The following GNG7 variants were observed in gnomAD, a reference collection of about 807,000 sequenced individuals.
The protein encoded by GNG7 is guanine nucleotide-binding protein G(I)/G(S)/G(O) subunit gamma-7.
A neutral mutation model predicts 4.0 loss-of-function variants in GNG7; 1 was observed. The observed-to-expected ratio is 0.25, with a 90% CI of 0.09 to 1.18. The LOEUF is 1.18. Among genes scored for constraint, GNG7 ranks in the 50% most tolerant of loss-of-function variants. The probability of loss-of-function intolerance (pLI) is 0.50; values close to 1 mark genes in which losing one functional copy is unlikely to be tolerated. For synonymous variants in GNG7, 34 were observed against 36.9 expected, an observed-to-expected ratio of 0.92 and a Z score of 0.29; for missense variants, 86 against 91.9, an observed-to-expected ratio of 0.94 and a Z score of 0.26.
chr19:2,698,834 G>A (rs376196929), intron 1 of GNG7, among the ~76,000 whole-genome samples: 1 of 152,126 alleles, frequency 6.6e-6, no homozygotes, highest in Non-Finnish European at 1.5e-5. Context: ...TTGTCTACAC[G>A]TGAGGGTAAT....
At chr19:2,696,779 G>C (rs1699631450) in intron 1 of GNG7, among the ~76,000 whole-genome samples, 2 of 152,378 alleles carry the variant, frequency 1.3e-5, no homozygotes, top group South Asian at 2.1e-4. Flanking sequence ...AGACAGGAGG[G>C]AGAGGCGTGG....
intron 1 of GNG7, among the ~76,000 whole-genome samples, chr19:2,654,132 T>C (rs1285142678): frequency 6.6e-6 from 1 of 151,962 alleles, no homozygotes; most frequent in African/African-American, 2.4e-5. Flanking sequence ...AGGAAGGTCT[T>C]TATTTAGGAA....
intron 2 of GNG7, chr19:2,643,316 C>T (rs577656985): frequency 1.5e-4 from 64 of 424,080 alleles, no homozygotes; most frequent in African/African-American, 1.0e-3. Flanking sequence ...GAGACCTCCC[C>T]GGACTCTGCA....
intron 1 of GNG7, among the ~76,000 whole-genome samples, chr19:2,679,226 A>C (rs2144897054): frequency 6.6e-6 from 1 of 151,944 alleles, no homozygotes; most frequent in Admixed American, 6.6e-5. Flanking sequence ...ATTTTTAATA[A>C]ATTTTGTAGA....
In GNG7 at chr19:2,512,359, A is replaced by G. The variant is rs1972668370; in HGVS notation, c.*2663T>C. 1.0e-6 allele frequency: 1 copy of G among 985,580 alleles called. No homozygotes were observed. The highest frequency in any genetic ancestry group is 1.2e-6 in the Non-Finnish European group (1 of 829,898). 61.1% of individuals were successfully genotyped at this position (985,580 alleles called of 1,614,324 possible). ...GTCACTGAAGTCTACTCAAGAAAAA[A>G]AAAAGTGGAGAATTTTTTTTTTAAT... On this transcript the variant is annotated 3_prime_UTR_variant, in exon 5 of 5. Transcript: ENST00000382159. The surrounding 1 kb of genome is among the most constrained non-coding windows in gnomAD (Gnocchi z 4.7).
At chr19:2,671,075 T>C (rs1983440167) in intron 1 of GNG7, among the ~76,000 whole-genome samples, 1 of 151,274 alleles carries the variant, frequency 6.6e-6, no homozygotes, top group African/African-American at 2.4e-5. Context: ...AAGCAGGGTC[T>C]CTCCCCCTTG....
intron 1 of GNG7, among the ~76,000 whole-genome samples, chr19:2,650,108 C>T (rs1402727359): frequency 6.6e-6 from 1 of 151,158 alleles, no homozygotes; most frequent in African/African-American, 2.4e-5. Flanking sequence ...CATTCACCGG[C>T]GGATGGACAA....
Position 2,626,858 on chromosome 19 carries a change from C to G in GNG7, c.-78+19366G>C, listed in dbSNP as rs1982034490. ...GAGGCCAGGGATGCTGCTCAGCACCCTGCAGTGCCCAGGACGGCCTCACCC... is the reference window on the plus strand; with the variant it reads ...GAGGCCAGGGATGCTGCTCAGCACCGTGCAGTGCCCAGGACGGCCTCACCC... On this transcript the variant is annotated intron_variant, in intron 2 of 4. Coordinates refer to ENST00000382159, the MANE Select transcript of GNG7 (RefSeq NM_052847.3). The surrounding 1 kb of genome is among the most constrained non-coding windows in gnomAD (Gnocchi z 5.0). Among the ~76,000 whole-genome samples, 1 of 151,988 alleles carries G rather than the reference C, an allele frequency of 6.6e-6. No individual in the cohort carries two copies.
rs575951057 is a variant in GNG7 at position 2,685,769 on chromosome 19, G to T, written c.-135+16877C>A. Among the ~76,000 whole-genome samples, 6 of 152,172 alleles carry T rather than the reference G, an allele frequency of 3.9e-5. No individual in the cohort carries two copies. In the East Asian group the frequency reaches 1.2e-3, roughly 29 times the overall value. Reference sequence around the variant, plus strand: ...TGCCCAGTAACGTCCGTGACCGCCCGGTGTCCTCCTCCCGAGACGAGGGCC... The same window carrying T: ...TGCCCAGTAACGTCCGTGACCGCCCTGTGTCCTCCTCCCGAGACGAGGGCC... On this transcript the variant is annotated intron_variant, in intron 1 of 4. Transcript: ENST00000382159.
At chr19:2,528,783 G>A (rs8112778) in intron 3 of GNG7, among the ~76,000 whole-genome samples, 6,494 of 152,290 alleles carry the variant, frequency 0.043, 416 homozygotes, top group African/African-American at 0.14. Context: ...GGAATTCTCA[G>A]AGGGACACTC....
At chr19:2,581,060 C>T (rs1209974110) in intron 2 of GNG7, among the ~76,000 whole-genome samples, 6 of 152,236 alleles carry the variant, frequency 3.9e-5, no homozygotes, top group East Asian at 1.9e-4. Flanking sequence ...CCACTGCGCC[C>T]GGCCTCTGCC....
chr19:2,636,999 C>T (rs1476003409), intron 2 of GNG7, among the ~76,000 whole-genome samples: 3 of 151,818 alleles, frequency 2.0e-5, no homozygotes, highest in Non-Finnish European at 4.4e-5. Context: ...CACCTCTGTC[C>T]CCACCTGCAC....
chr19:2,677,727 C>CG (rs1209518517), intron 1 of GNG7, among the ~76,000 whole-genome samples: 1 of 152,038 alleles, frequency 6.6e-6, no homozygotes, highest in Non-Finnish European at 1.5e-5. Flanking sequence ...CCCTAACCCC[C>CG]GGGGGTCTCA....
intron 2 of GNG7, among the ~76,000 whole-genome samples, chr19:2,628,525 G>T (rs988226328): frequency 2.0e-5 from 3 of 148,272 alleles, no homozygotes; most frequent in Non-Finnish European, 4.5e-5. Context: ...GTGTGTGTGT[G>T]TATATATATA....
chr19:2,545,656 A>G (rs1979101588), intron 3 of GNG7, among the ~76,000 whole-genome samples: 1 of 147,820 alleles, frequency 6.8e-6, no homozygotes, highest in Non-Finnish European at 1.5e-5. Flanking sequence ...TCTTAAAAAA[A>G]AAAAAAAAAA....
chr19:2,577,728 G>A (rs987411850), intron 2 of GNG7, among the ~76,000 whole-genome samples: 1 of 146,726 alleles, frequency 6.8e-6, no homozygotes, highest in Non-Finnish European at 1.5e-5. Flanking sequence ...AAAAATCAGC[G>A]TAATATTTTA....
At chr19:2,652,644 C>CCCA (rs1315401208) in intron 1 of GNG7, among the ~76,000 whole-genome samples, 1 of 150,540 alleles carries the variant, frequency 6.6e-6, no homozygotes, top group Non-Finnish European at 1.5e-5. Flanking sequence ...ATCAAAACCT[C>CCCA]CCAAATACAT....
At chr19:2,529,542 G>A (rs1978520606) in intron 3 of GNG7, among the ~76,000 whole-genome samples, 1 of 152,164 alleles carries the variant, frequency 6.6e-6, no homozygotes, top group African/African-American at 2.4e-5. Context: ...TGAACTTAAA[G>A]CATGAGCTTG....
At chr19:2,543,752 C>T (rs1208120579) in intron 3 of GNG7, among the ~76,000 whole-genome samples, 1 of 152,192 alleles carries the variant, frequency 6.6e-6, no homozygotes. Context: ...CACAATGAGG[C>T]GGCTGCGCTT....
Sources: gnomAD v4.1 joint callset for allele counts (sites outside exome capture counted in the v4.1 genomes callset) on GRCh38, gnomAD v4.1.1 for gene constraint, Gnocchi (gnomAD v3.1) non-coding constraint, MANE v1.5 for transcripts, NCBI Gene and HGNC (gene_info 2026-07-23, HGNC 2026-07-21) for gene names.